TTC3: variants seen among roughly 807,000 people sequenced by gnomAD.
TTC3 encodes tetratricopeptide repeat domain 3, also known as E3 ubiquitin-protein ligase TTC3.
A neutral mutation model predicts 249.6 loss-of-function variants in TTC3; 180 were observed. The observed-to-expected ratio is 0.72, with a 90% CI of 0.64 to 0.82. The LOEUF is 0.82. Ranked by LOEUF, TTC3 falls within the 40% of genes least tolerant of loss-of-function variation. The probability of loss-of-function intolerance (pLI) is 0.00; values close to 1 mark genes in which losing one functional copy is unlikely to be tolerated. For synonymous variants in TTC3, 717 were observed against 805.0 expected (o/e 0.89, Z 1.85); for missense variants, 2,061 against 2,398.4 (o/e 0.86, Z 2.94).
chr21:37,129,453 A>C (rs2077295523), intron 16 of TTC3, among the ~76,000 whole-genome samples: 1 of 152,206 alleles, frequency 6.6e-6, no homozygotes, highest in Non-Finnish European at 1.5e-5. Context: ...CACTGTTAAC[A>C]GTTTCATGAC....
At position 37,182,705 on chromosome 21, in the gene TTC3, A is replaced by T. The variant is rs538637812; in HGVS notation, c.4618-69A>T. The T allele has an allele frequency of 3.5e-6, 5 of 1,415,234 alleles. No homozygotes were observed. The Admixed American group carries it at 1.4e-4, about 38-fold the overall frequency. 87.7% of individuals were successfully genotyped at this position (1,415,234 alleles called of 1,614,324 possible). On this transcript the variant is annotated intron_variant, in intron 35 of 45. Coordinates refer to ENST00000355666, the Ensembl canonical transcript of TTC3. Reference sequence around the variant, plus strand: ...TAAGCTATGGCACCGTCACAATTCTAGCCTTTCAGTCTCTTTTGTTAAAAA... The same window carrying T: ...TAAGCTATGGCACCGTCACAATTCTTGCCTTTCAGTCTCTTTTGTTAAAAA...
At chr21:37,155,589 ATC>A (rs910726015) in intron 27 of TTC3, among the ~76,000 whole-genome samples, 4 of 152,212 alleles carry the variant, frequency 2.6e-5, no homozygotes. Context: ...ACTCTGAGCA[ATC>A]TCTGCTTCAT....
At chr21:37,172,824 C>T in intron 35 of TTC3, 80 bp downstream of exon 35, 1 of 1,517,774 alleles carries the variant, frequency 6.6e-7, no homozygotes, top group Non-Finnish European at 8.9e-7. Flanking sequence ...TGTGCGGCCT[C>T]AGCTGAACTT....
intron 38 of TTC3, 147 bp from the exon 39 acceptor site, chr21:37,188,347 AC>A: frequency 1.8e-6 from 1 of 559,210 alleles, no homozygotes; most frequent in Non-Finnish European, 3.2e-6. Context: ...ATTCATGTTC[AC>A]CTATGATACA....
exon 44 of TTC3, chr21:37,198,007 A>G: frequency 6.2e-7 from 1 of 1,612,576 alleles, no homozygotes; most frequent in South Asian, 1.1e-5. Flanking sequence ...AGAAAGCAGA[A>G]GATGTCCCTG....
chr21:37,178,180 T>C (rs984963691), intron 35 of TTC3, among the ~76,000 whole-genome samples: 1 of 152,264 alleles, frequency 6.6e-6, no homozygotes, highest in African/African-American at 2.4e-5. Context: ...TGGAATAATA[T>C]TCTATTGTAT....
Position 37,197,686 on chromosome 21 carries a change from AAAAG to A in TTC3, c.5700_5703del (p.Lys1901SerfsTer19), listed in dbSNP as rs1283961541. On this transcript the variant is annotated frameshift_variant, in exon 43 of 46. Transcript: ENST00000355666. LOFTEE classifies it high-confidence loss of function. ...ACAGAACACATTCTAGATGAACAGA[AAAAG>A]AAAAAGGTATTTTATCTAGATGTTC... 6.2e-7 allele frequency: 1 copy of A among 1,608,356 alleles called. No homozygotes were observed. The highest frequency in any genetic ancestry group is 1.7e-5 in the Admixed American group (1 of 59,248).
chr21:37,185,105 T>A (rs562082945), intron 36 of TTC3, among the ~76,000 whole-genome samples: 2 of 152,298 alleles, frequency 1.3e-5, no homozygotes, highest in Admixed American at 6.5e-5. Context: ...TAAACTGGCT[T>A]GTATTAGAAA....
intron 1 of TTC3, among the ~76,000 whole-genome samples, chr21:37,076,296 T>A (rs894180351): frequency 6.6e-6 from 1 of 152,234 alleles, no homozygotes; most frequent in Non-Finnish European, 1.5e-5. Context: ...TGTGTAATAT[T>A]CCAAGTGTGA....
intron 17 of TTC3, among the ~76,000 whole-genome samples, chr21:37,135,018 C>G (rs1029258891): frequency 7.2e-5 from 11 of 152,200 alleles, no homozygotes; most frequent in Non-Finnish European, 1.2e-4. Context: ...AATTGTTCTA[C>G]TCCCAAACAA....
exon 33 of TTC3, chr21:37,166,221 T>A: frequency 1.9e-6 from 3 of 1,614,186 alleles, no homozygotes; most frequent in Non-Finnish European, 2.5e-6. Flanking sequence ...CCAGCATACA[T>A]AAACGTGTTA....
At chr21:37,148,853 A>C (rs993769187) in intron 23 of TTC3, among the ~76,000 whole-genome samples, 3 of 152,152 alleles carry the variant, frequency 2.0e-5, no homozygotes, top group Non-Finnish European at 4.4e-5. Flanking sequence ...AAAGAGACGG[A>C]TCTCACTGTG....
At chr21:37,140,640 G>A in exon 20 of TTC3, 3 of 1,609,042 alleles carry the variant, frequency 1.9e-6, no homozygotes, top group Middle Eastern at 3.3e-4. Context: ...TTGGCCTACT[G>A]TGGAATTGGA....
At chr21:37,134,350 C>T (rs1016199212) in intron 17 of TTC3, among the ~76,000 whole-genome samples, 1 of 151,942 alleles carries the variant, frequency 6.6e-6, no homozygotes, top group African/African-American at 2.4e-5. Flanking sequence ...ACCCAGGAGG[C>T]TGAAGCAGGA....
intron 1 of TTC3, chr21:37,086,806 A>T (rs890029256): frequency 6.0e-6 from 1 of 166,392 alleles, no homozygotes; most frequent in Non-Finnish European, 1.3e-5. Flanking sequence ...AGAATATAAC[A>T]GTTTGTGTAT....
intron 42 of TTC3, among the ~76,000 whole-genome samples, chr21:37,197,342 C>T (rs79001254): frequency 0.034 from 5,180 of 151,356 alleles, 126 homozygotes; most frequent in African/African-American, 0.053. Context: ...GAGCAGGGAT[C>T]GCGCCACTGC....
intron 8 of TTC3, among the ~76,000 whole-genome samples, chr21:37,094,754 A>G (rs1437210716): frequency 6.6e-6 from 1 of 152,210 alleles, no homozygotes; most frequent in East Asian, 1.9e-4. Flanking sequence ...AATTTTAGCA[A>G]TTATTCATAA....
chr21:37,126,048 T>C lies in TTC3; in HGVS notation c.1234-32T>C, dbSNP rs753037563. ...ATTCTTCATGGCTGGGTTGTTTTTT[T>C]TTTTTTTAAGTCTCACTAATTTCAT... On this transcript the variant is annotated intron_variant, in intron 14 of 45. Coordinates refer to ENST00000355666, the Ensembl canonical transcript of TTC3. 6.3e-6 allele frequency: 10 copies of C among 1,579,598 alleles called. No individual in the cohort carries two copies. In the Admixed American group the frequency reaches 1.9e-4, roughly 30 times the overall value.
intron 19 of TTC3, among the ~76,000 whole-genome samples, chr21:37,139,960 G>A (rs746792575): frequency 7.2e-5 from 11 of 152,016 alleles, no homozygotes; most frequent in Admixed American, 2.0e-4. Flanking sequence ...CTCACAGTAG[G>A]GTTACCAGTA....
Sources: gnomAD v4.1 joint callset for allele counts (sites outside exome capture counted in the v4.1 genomes callset) on GRCh38, gnomAD v4.1.1 for gene constraint, MANE v1.5 for transcripts, NCBI Gene and HGNC (gene_info 2026-07-23, HGNC 2026-07-21) for gene names.